GRM8: variants seen among roughly 807,000 people sequenced by gnomAD.
The protein encoded by GRM8 is metabotropic glutamate receptor 8.
A neutral mutation model predicts 87.2 loss-of-function variants in GRM8; 47 were observed. The observed-to-expected ratio is 0.54, with a 90% CI of 0.43 to 0.69. The LOEUF (loss-of-function observed/expected upper bound fraction) is 0.69. Ranked by LOEUF, GRM8 falls within the 30% of genes least tolerant of loss-of-function variation. GRM8 has a pLI of 0.00. For missense variants in GRM8, 1,019 were observed against 1,139.2 expected (o/e 0.89, Z 1.52); for synonymous variants, 396 against 404.5 (o/e 0.98, Z 0.25).
intron 3 of GRM8, among the ~76,000 whole-genome samples, chr7:127,065,820 A>T (rs1392896059): frequency 6.6e-6 from 1 of 152,194 alleles, no homozygotes; most frequent in East Asian, 1.9e-4. Context: ...TTCAACAACT[A>T]CTAAAATTCC....
chr7:126,851,416 A>T (rs928046151), intron 6 of GRM8, among the ~76,000 whole-genome samples: 5 of 152,154 alleles, frequency 3.3e-5, no homozygotes, highest in African/African-American at 1.2e-4. Context: ...AAGTCAGATC[A>T]TGCCACCCAT....
intron 8 of GRM8, among the ~76,000 whole-genome samples, chr7:126,559,602 C>T (rs1793495770): frequency 6.6e-6 from 1 of 152,170 alleles, no homozygotes; most frequent in Non-Finnish European, 1.5e-5. Context: ...TCTTGTGCAA[C>T]AGTTCCTTCT....
chr7:126,714,395 T>C (rs1260236639), intron 7 of GRM8, among the ~76,000 whole-genome samples: 2 of 151,792 alleles, frequency 1.3e-5, no homozygotes, highest in African/African-American at 4.8e-5. Context: ...ATTTAAGTCA[T>C]TTAATTTCCA....
chr7:126,775,077 G>C (rs1427570673), intron 6 of GRM8, among the ~76,000 whole-genome samples: 1 of 152,072 alleles, frequency 6.6e-6, no homozygotes, highest in Non-Finnish European at 1.5e-5. Context: ...TCTCAGCTTG[G>C]AGTATAAATA....
chr7:126,501,375 A>C (rs1809619253), intron 9 of GRM8, among the ~76,000 whole-genome samples: 1 of 152,008 alleles, frequency 6.6e-6, no homozygotes, highest in African/African-American at 2.4e-5. Flanking sequence ...TTGGAAGGGG[A>C]AACAAATGTG....
intron 3 of GRM8, among the ~76,000 whole-genome samples, chr7:126,978,445 C>T (rs759504857): frequency 2.6e-5 from 4 of 152,280 alleles, no homozygotes; most frequent in African/African-American, 9.6e-5. Flanking sequence ...GATCAGCATG[C>T]TCAAATATCC....
Position 126,904,532 on chromosome 7 carries a change from G to A in GRM8, c.863+16C>T, listed in dbSNP as rs1802481413. The A allele has an allele frequency of 6.2e-7, 1 of 1,610,894 alleles. No homozygotes were observed. The highest frequency in any genetic ancestry group is 1.7e-5 in the Admixed American group (1 of 59,964). ...CACAAATCTGACCCTACATACAGAA[G>A]AAAAGTAATCAGCACCTGATGTCAT... On this transcript the variant is annotated intron_variant, in intron 4 of 10. Coordinates refer to ENST00000339582, the MANE Select transcript of GRM8 (RefSeq NM_000845.3).
chr7:127,242,603 C>T, intron 2 of GRM8, 92 bp downstream of exon 2: 1 of 1,253,066 alleles, frequency 8.0e-7, no homozygotes. Context: ...TGAGCACCTT[C>T]ACCATCTTCA....
chr7:127,072,949 CT>C (rs1010056005), intron 3 of GRM8, among the ~76,000 whole-genome samples: 1 of 147,914 alleles, frequency 6.8e-6, no homozygotes, highest in Non-Finnish European at 1.5e-5. Flanking sequence ...TTTTTTTTTT[CT>C]TTCTTCAAAA....
chr7:127,216,520 A>AAAAAAAG (rs1796553105), intron 2 of GRM8, among the ~76,000 whole-genome samples: 1 of 147,446 alleles, frequency 6.8e-6, no homozygotes, highest in African/African-American at 2.6e-5. Context: ...TCCGTCTCAA[A>AAAAAAAG]AAAAAAAAAA....
At chr7:127,207,722 G>A (rs143771673) in intron 2 of GRM8, among the ~76,000 whole-genome samples, 175 of 152,128 alleles carry the variant, frequency 1.2e-3, no homozygotes, top group Non-Finnish European at 2.2e-3. Context: ...AGCCAGACCC[G>A]TCTCATTACA....
At chr7:126,986,428 A>T (rs1163026629) in intron 3 of GRM8, among the ~76,000 whole-genome samples, 2 of 152,218 alleles carry the variant, frequency 1.3e-5, no homozygotes, top group Admixed American at 1.3e-4. Context: ...GTTAGAGTAC[A>T]TCCTAAATAC....
rs1000609929 is a variant in GRM8, at chr7:127,252,207, G to A, written c.-312+590C>T. The A allele has an allele frequency of 3.9e-5, 6 of 152,294 alleles. No individual in the cohort carries two copies. The highest frequency in any genetic ancestry group is 1.9e-4 in the East Asian group (1 of 5,186). The allele number at this position is 152,294 out of a possible 1,614,324, so 9.4% of individuals were successfully genotyped here. A position where few individuals can be genotyped will look rare whatever the true frequency, so the allele number is the denominator to read the frequency against. Reference sequence around the variant, plus strand: ...CACCCAGGGCAGACGATCCGAGGCAGAGCGCTTTAAAATCCTGCCGCCGCA... The same window carrying A: ...CACCCAGGGCAGACGATCCGAGGCAAAGCGCTTTAAAATCCTGCCGCCGCA... On this transcript the variant is annotated intron_variant, in intron 1 of 10. Transcript: ENST00000339582. This position sits in a 1 kb window ranked among gnomAD's most constrained non-coding sequence, Gnocchi z 4.9.
intron 3 of GRM8, among the ~76,000 whole-genome samples, chr7:127,070,667 C>T (rs906344780): frequency 3.3e-5 from 5 of 152,126 alleles, no homozygotes; most frequent in African/African-American, 1.2e-4. Context: ...AGAGCTATCA[C>T]CATGTGTATT....
rs950834381 is a variant in GRM8 at position 126,871,592 on chromosome 7, A to ATTAGCCATCTTATCCTGAATG, written c.1156+30929_1156+30949dup. Among the ~76,000 whole-genome samples the ATTAGCCATCTTATCCTGAATG allele has an allele frequency of 1.4e-4, 21 of 152,316 alleles. No individual in the cohort carries two copies. In the South Asian group the frequency reaches 3.7e-3, roughly 27 times the overall value. ...GCCAGTCATTTTATAGTAAGCCAAG[A>ATTAGCCATCTTATCCTGAATG]TTAGCCATCTTATCCTGAATGTTCT... On this transcript the variant is annotated intron_variant, in intron 6 of 10. Coordinates refer to ENST00000339582, the MANE Select transcript of GRM8 (RefSeq NM_000845.3).
At chr7:126,969,215 T>C (rs1810171535) in intron 3 of GRM8, among the ~76,000 whole-genome samples, 1 of 152,062 alleles carries the variant, frequency 6.6e-6, no homozygotes, top group South Asian at 2.1e-4. Flanking sequence ...ATAAATGGAG[T>C]GGCTGTGGCA....
chr7:126,671,369 A>G (rs534823902), intron 7 of GRM8, among the ~76,000 whole-genome samples: 2 of 152,358 alleles, frequency 1.3e-5, no homozygotes, highest in Admixed American at 6.5e-5. Flanking sequence ...CTATGTAGAA[A>G]TAGTTATTCT....
At chr7:126,955,189 A>G (rs1243523188) in intron 3 of GRM8, among the ~76,000 whole-genome samples, 1 of 152,216 alleles carries the variant, frequency 6.6e-6, no homozygotes, top group Admixed American at 6.5e-5. Flanking sequence ...AAGGAATGAC[A>G]GTGACCTCTA....
intron 8 of GRM8, 92 bp downstream of exon 8, chr7:126,609,269 GA>G: frequency 1.2e-6 from 1 of 867,206 alleles, no homozygotes; most frequent in Admixed American, 2.7e-5. Context: ...TATTTATGGG[GA>G]AAACCTATTC....
Sources: gnomAD v4.1 joint callset for allele counts (sites outside exome capture counted in the v4.1 genomes callset) on GRCh38, gnomAD v4.1.1 for gene constraint, Gnocchi (gnomAD v3.1) non-coding constraint, MANE v1.5 for transcripts, NCBI Gene and HGNC (gene_info 2026-07-23, HGNC 2026-07-21) for gene names.